Variants in IKZF2 observed in about 807,000 individuals in gnomAD.
IKZF2 encodes the protein zinc finger protein Helios.
In IKZF2, 15 loss-of-function variants were observed where a neutral mutation model predicts 49.2. The observed-to-expected ratio is 0.30, with a 90% CI of 0.20 to 0.47. IKZF2 has a LOEUF of 0.47. Ranked by LOEUF, IKZF2 falls within the 20% of genes least tolerant of loss-of-function variation. IKZF2 has a pLI of 1.00. For synonymous variants in IKZF2, 227 were observed against 221.4 expected (o/e 1.03, Z -0.23); for missense variants, 567 against 664.6 (o/e 0.85, Z 1.61).
At chr2:213,150,358 G>A (rs1477065187) in intron 1 of IKZF2, 111 bp from the exon 2 acceptor site, 6 of 366,726 alleles carry the variant, frequency 1.6e-5, no homozygotes, top group Non-Finnish European at 2.7e-5. Context: ...AGGGGAGGAG[G>A]AAGGAAAAGC....
At chr2:213,089,931 CT>C (rs1285882678) in intron 4 of IKZF2, among the ~76,000 whole-genome samples, 2 of 152,162 alleles carry the variant, frequency 1.3e-5, no homozygotes, top group Non-Finnish European at 2.9e-5. Flanking sequence ...TCAAGAGACA[CT>C]TCCTGATACT....
At chr2:213,071,019 CA>C (rs1303748881) in intron 4 of IKZF2, among the ~76,000 whole-genome samples, 1 of 152,094 alleles carries the variant, frequency 6.6e-6, no homozygotes, top group Non-Finnish European at 1.5e-5. Flanking sequence ...AATTACCAAA[CA>C]AATCTTTCCA....
At chr2:213,011,082 G>C (rs901594753) in intron 8 of IKZF2, among the ~76,000 whole-genome samples, 5 of 152,010 alleles carry the variant, frequency 3.3e-5, no homozygotes, top group African/African-American at 1.2e-4. Flanking sequence ...TGTCTTAAAA[G>C]AGTCTACTCG....
intron 4 of IKZF2, chr2:213,147,466 C>A: frequency 1.7e-6 from 1 of 599,224 alleles, no homozygotes; most frequent in Admixed American, 2.8e-5. Context: ...TCTAACCTTT[C>A]TTACCTGATA....
rs151122052 is a variant in IKZF2, at chr2:213,042,136, AT to A, written c.574+7576del. The stretch of plus-strand genomic sequence containing the variant: ...TGATCTCCTGACTTCTAGACAGCAC[AT>A]TTTTTTTTTCAATCATTAGGAGTTA... On this transcript the variant is annotated intron_variant, in intron 6 of 8. Coordinates refer to ENST00000434687, the MANE Select transcript of IKZF2 (RefSeq NM_001387220.1). 9.4e-4 allele frequency among the ~76,000 whole-genome samples: 142 copies of A among 150,466 alleles called. 1 individual carries two copies. The highest frequency in any genetic ancestry group is 5.3e-4 in the Non-Finnish European group (36 of 67,484).
At chr2:213,143,837 C>T (rs908447694) in intron 4 of IKZF2, among the ~76,000 whole-genome samples, 11 of 151,926 alleles carry the variant, frequency 7.2e-5, no homozygotes, top group African/African-American at 2.7e-4. Context: ...AATAACTCTT[C>T]TATTTCTGAG....
chr2:213,118,135 T>C lies in IKZF2; in HGVS notation c.139+29573A>G, dbSNP rs573466409. ...TACTCTGTCTTCCAACACACCAGGCTTTCCTTCTATTCTAGAATAAGTGAA... is the reference window on the plus strand; with the variant it reads ...TACTCTGTCTTCCAACACACCAGGCCTTCCTTCTATTCTAGAATAAGTGAA... On this transcript the variant is annotated intron_variant, in intron 4 of 8. Coordinates refer to ENST00000434687, the MANE Select transcript of IKZF2 (RefSeq NM_001387220.1). Among the ~76,000 whole-genome samples, 6 of 152,358 alleles carry C rather than the reference T, an allele frequency of 3.9e-5. No homozygotes were observed. The South Asian group carries it at 1.2e-3, about 32-fold the overall frequency.
intron 4 of IKZF2, among the ~76,000 whole-genome samples, chr2:213,129,921 CAG>C (rs749399743): frequency 5.9e-5 from 9 of 152,046 alleles, no homozygotes; most frequent in Non-Finnish European, 8.8e-5. Flanking sequence ...GTGCTAGATG[CAG>C]AGTTGAAAGT....
intron 4 of IKZF2, among the ~76,000 whole-genome samples, chr2:213,075,733 C>A (rs1476461197): frequency 1.3e-5 from 2 of 151,988 alleles, no homozygotes; most frequent in East Asian, 3.9e-4. Flanking sequence ...GTTAAACACA[C>A]CCAGTGTATT....
intron 7 of IKZF2, 191 bp from the exon 8 acceptor site, chr2:213,014,125 GTTT>G: frequency 2.3e-6 from 1 of 444,108 alleles, no homozygotes; most frequent in South Asian, 4.3e-5. Context: ...CAGAGGATTT[GTTT>G]TTATTTGAGT....
Position 213,126,537 on chromosome 2 carries a change from A to C in IKZF2, c.139+21171T>G, listed in dbSNP as rs1341437312. Among the ~76,000 whole-genome samples the C allele has an allele frequency of 2.6e-5, 4 of 152,190 alleles. 1 individual carries two copies. Among genetic ancestry groups the C allele is most frequent in the African/African-American group, 7.2e-5 (3 of 41,446 alleles). Reference sequence around the variant, plus strand: ...AGAGTTGGTAATAAATCACCTCCAGATTACAGAAAGAAACACTGAGATGCT... The same window carrying C: ...AGAGTTGGTAATAAATCACCTCCAGCTTACAGAAAGAAACACTGAGATGCT... On this transcript the variant is annotated intron_variant, in intron 4 of 8. Transcript: ENST00000434687.
rs146214885 is a variant in IKZF2, at chr2:213,072,841, G to A, written c.140-15742C>T. Reference sequence around the variant, plus strand: ...TAAAAATTCAACGAAAATGACACATGAACACGAAATCTAAGGCACTGGAAC... The same window carrying A: ...TAAAAATTCAACGAAAATGACACATAAACACGAAATCTAAGGCACTGGAAC... On this transcript the variant is annotated intron_variant, in intron 4 of 8. Transcript: ENST00000434687. Among the ~76,000 whole-genome samples the A allele has an allele frequency of 1.1e-3, 168 of 152,204 alleles. 2 individuals are homozygous for A. Among genetic ancestry groups the A allele is most frequent in the South Asian group, 4.6e-3 (22 of 4,818 alleles).
intron 5 of IKZF2, among the ~76,000 whole-genome samples, chr2:213,052,718 G>T (rs1015024320): frequency 3.9e-5 from 6 of 152,010 alleles, no homozygotes; most frequent in African/African-American, 1.4e-4. Context: ...AAATATAGAA[G>T]TAATATCCAT....
rs150116374 is a variant in IKZF2 at position 213,082,606 on chromosome 2, T to C, written c.140-25507A>G. Among the ~76,000 whole-genome samples the C allele has an allele frequency of 2.5e-3, 377 of 152,296 alleles. 12 individuals carry two copies. In the East Asian group the frequency reaches 0.061, roughly 25 times the overall value. ...GAACTTAACACATATATAGTCAATATCCCATATCATTCAAATTACTCAAGG... is the reference window on the plus strand; with the variant it reads ...GAACTTAACACATATATAGTCAATACCCCATATCATTCAAATTACTCAAGG... On this transcript the variant is annotated intron_variant, in intron 4 of 8. Coordinates refer to ENST00000434687, the MANE Select transcript of IKZF2 (RefSeq NM_001387220.1).
At chr2:213,020,793 A>G (rs180883647) in intron 7 of IKZF2, among the ~76,000 whole-genome samples, 1 of 152,324 alleles carries the variant, frequency 6.6e-6, no homozygotes, top group East Asian at 1.9e-4. Flanking sequence ...AAACAAACAG[A>G]AAACCCCAGA....
intron 4 of IKZF2, among the ~76,000 whole-genome samples, chr2:213,146,196 T>G (rs1181663639): frequency 6.6e-6 from 1 of 152,104 alleles, no homozygotes; most frequent in Non-Finnish European, 1.5e-5. Context: ...GGAAATTGTG[T>G]GAGTTATCTG....
At chr2:213,073,978 T>A (rs926761496) in intron 4 of IKZF2, among the ~76,000 whole-genome samples, 2 of 152,192 alleles carry the variant, frequency 1.3e-5, no homozygotes, top group African/African-American at 2.4e-5. Flanking sequence ...TATTTTACTA[T>A]CCTCTCAAAC....
intron 4 of IKZF2, among the ~76,000 whole-genome samples, chr2:213,123,642 A>C (rs2060128448): frequency 6.6e-6 from 1 of 152,162 alleles, no homozygotes; most frequent in African/African-American, 2.4e-5. Context: ...AAGTGCTTAA[A>C]AGTAACAATA....
At chr2:213,027,423 T>C (rs1027399169) in intron 6 of IKZF2, among the ~76,000 whole-genome samples, 2 of 152,144 alleles carry the variant, frequency 1.3e-5, no homozygotes, top group African/African-American at 2.4e-5. Flanking sequence ...TGTGTTTCTG[T>C]ATCCAGTGCC....
Sources: gnomAD v4.1 joint callset for allele counts (sites outside exome capture counted in the v4.1 genomes callset) on GRCh38, gnomAD v4.1.1 for gene constraint, MANE v1.5 for transcripts, NCBI Gene and HGNC (gene_info 2026-07-23, HGNC 2026-07-21) for gene names.